The following LPP variants were observed in gnomAD, a reference collection of about 807,000 sequenced individuals.
LPP encodes LIM domain containing preferred translocation partner in lipoma.
Under a neutral mutation model 60.4 loss-of-function variants are expected in LPP, and 38 were observed. The observed-to-expected ratio is 0.63, with a 90% CI of 0.49 to 0.83. The LOEUF (loss-of-function observed/expected upper bound fraction) is 0.83, where lower values mean the gene tolerates loss of function less well. LPP is among the 40% of genes least tolerant of loss of function. LPP has a pLI of 0.00. For missense variants in LPP, 902 were observed against 783.6 expected, an observed-to-expected ratio of 1.15 and a Z score of -1.80; for synonymous variants, 328 against 290.8, an observed-to-expected ratio of 1.13 and a Z score of -1.30.
intron 9 of LPP, among the ~76,000 whole-genome samples, chr3:188,793,034 G>A (rs535775895): frequency 1.7e-3 from 265 of 152,244 alleles, no homozygotes; most frequent in African/African-American, 5.7e-3. Flanking sequence ...GGTGGGCACC[G>A]GTCCACATCA....
intron 2 of LPP, among the ~76,000 whole-genome samples, chr3:188,245,139 GTC>G (rs748999003): frequency 2.0e-5 from 3 of 151,844 alleles, no homozygotes; most frequent in Non-Finnish European, 4.4e-5. Context: ...TTGAAACAGA[GTC>G]TTGCTCTGTC....
At chr3:188,643,327 G>A (rs910497584) in intron 7 of LPP, among the ~76,000 whole-genome samples, 5 of 152,260 alleles carry the variant, frequency 3.3e-5, no homozygotes, top group Admixed American at 2.6e-4. Context: ...TGAGACCAGT[G>A]CATTTTAAGC....
intron 7 of LPP, among the ~76,000 whole-genome samples, chr3:188,700,902 CA>C (rs1238355554): frequency 6.6e-6 from 1 of 151,296 alleles, no homozygotes; most frequent in East Asian, 1.9e-4. Flanking sequence ...CAAATGGGCA[CA>C]AAAAAATGAT....
intron 7 of LPP, among the ~76,000 whole-genome samples, chr3:188,634,830 T>C (rs2148606494): frequency 6.6e-6 from 1 of 152,246 alleles, no homozygotes; most frequent in Non-Finnish European, 1.5e-5. Flanking sequence ...TACAATGTAA[T>C]AGTAATAGAA....
intron 4 of LPP, among the ~76,000 whole-genome samples, chr3:188,414,130 A>G (rs903389125): frequency 3.3e-5 from 5 of 152,140 alleles, no homozygotes; most frequent in African/African-American, 1.2e-4. Context: ...TAAAAATAAC[A>G]TTATTAATAA....
chr3:188,784,183 T>A (rs949456405), intron 9 of LPP, among the ~76,000 whole-genome samples: 2 of 151,830 alleles, frequency 1.3e-5, no homozygotes, highest in Non-Finnish European at 2.9e-5. Flanking sequence ...TATTTGGTTT[T>A]CCATTCCTGA....
chr3:188,380,544 T>C (rs1776598835), intron 3 of LPP, among the ~76,000 whole-genome samples: 1 of 152,166 alleles, frequency 6.6e-6, no homozygotes, highest in Non-Finnish European at 1.5e-5. Flanking sequence ...ATCCCGAGGG[T>C]AGTTGGCCTG....
intron 2 of LPP, among the ~76,000 whole-genome samples, chr3:188,332,699 C>A (rs1760448867): frequency 6.6e-6 from 1 of 152,090 alleles, no homozygotes; most frequent in South Asian, 2.1e-4. Context: ...TAAAACTAGG[C>A]ATTATGGTAG....
intron 2 of LPP, among the ~76,000 whole-genome samples, chr3:188,284,405 G>A (rs182953017): frequency 1.2e-3 from 187 of 152,248 alleles, no homozygotes; most frequent in African/African-American, 4.4e-3. Context: ...AGGGGCTTAC[G>A]GGAAGGATGG....
chr3:188,299,066 A>G (rs572052241), intron 2 of LPP, among the ~76,000 whole-genome samples: 18 of 152,338 alleles, frequency 1.2e-4, no homozygotes, highest in South Asian at 4.1e-4. Context: ...AGCAGATTGT[A>G]TCAGAATCAG....
At chr3:188,183,300 G>A (rs1447521684) in intron 1 of LPP, among the ~76,000 whole-genome samples, 1 of 152,180 alleles carries the variant, frequency 6.6e-6, no homozygotes, top group African/African-American at 2.4e-5. Flanking sequence ...TGATTGAAGA[G>A]GCTTGAGACA....
chr3:188,519,426 C>T (rs185199489), intron 5 of LPP, among the ~76,000 whole-genome samples: 1 of 152,274 alleles, frequency 6.6e-6, no homozygotes, highest in East Asian at 1.9e-4. Context: ...CAAAAATCAG[C>T]TAGGAGCCTG....
intron 5 of LPP, among the ~76,000 whole-genome samples, chr3:188,514,201 G>A (rs1816653996): frequency 1.3e-5 from 2 of 152,114 alleles, no homozygotes; most frequent in East Asian, 3.9e-4. Context: ...ATCTGTGGCT[G>A]AACTCTTCCA....
chr3:188,601,452 T>C (rs910362669), intron 6 of LPP, among the ~76,000 whole-genome samples: 1 of 152,194 alleles, frequency 6.6e-6, no homozygotes, highest in Non-Finnish European at 1.5e-5. Flanking sequence ...AAAAATTTTA[T>C]AGAAACAAAC....
At chr3:188,639,168 A>G (rs568053033) in intron 7 of LPP, among the ~76,000 whole-genome samples, 98 of 152,348 alleles carry the variant, frequency 6.4e-4, no homozygotes, top group Non-Finnish European at 9.0e-4. Flanking sequence ...CAAAACAGTG[A>G]TATAGATCAA....
At chr3:188,190,578 T>G (rs1407318014) in intron 1 of LPP, among the ~76,000 whole-genome samples, 1 of 152,216 alleles carries the variant, frequency 6.6e-6, no homozygotes, top group Non-Finnish European at 1.5e-5. Flanking sequence ...AGTGCTTGCA[T>G]TCTAGGAGGC....
intron 2 of LPP, among the ~76,000 whole-genome samples, chr3:188,245,114 C>T (rs572368688): frequency 1.1e-4 from 17 of 152,080 alleles, no homozygotes; most frequent in African/African-American, 3.6e-4. Context: ...ACCCTGCCCC[C>T]GCCTTTTTTT....
intron 4 of LPP, among the ~76,000 whole-genome samples, chr3:188,463,184 G>T (rs1225498432): frequency 6.6e-6 from 1 of 152,012 alleles, no homozygotes; most frequent in Non-Finnish European, 1.5e-5. Flanking sequence ...ATGAACGTGT[G>T]GGGTGTATGT....
chr3:188,519,613 G>T (rs1326875339), intron 5 of LPP, among the ~76,000 whole-genome samples: 1 of 152,024 alleles, frequency 6.6e-6, no homozygotes, highest in Non-Finnish European at 1.5e-5. Flanking sequence ...GAATGGTTTT[G>T]AAAAAATTAG....
Sources: gnomAD v4.1 joint callset for allele counts (sites outside exome capture counted in the v4.1 genomes callset) on GRCh38, gnomAD v4.1.1 for gene constraint, MANE v1.5 for transcripts, NCBI Gene and HGNC (gene_info 2026-07-23, HGNC 2026-07-21) for gene names.